Variants in PXDNL observed in about 807,000 individuals in gnomAD.
PXDNL encodes the protein peroxidasin like.
PXDNL carries 145 observed loss-of-function variants against 150.8 expected under a neutral mutation model. The observed-to-expected ratio is 0.96, with a 90% CI of 0.84 to 1.10. PXDNL has a LOEUF of 1.10. Ranked by LOEUF, PXDNL falls within the 50% of genes least tolerant of loss-of-function variation. PXDNL has a pLI of 0.00. For synonymous variants in PXDNL, 757 were observed against 725.7 expected (o/e 1.04, Z -0.69); for missense variants, 2,087 against 1,873.9 (o/e 1.11, Z -2.10).
chr8:51,430,014 G>A (rs1809212586), intron 12 of PXDNL, among the ~76,000 whole-genome samples: 1 of 152,108 alleles, frequency 6.6e-6, no homozygotes, highest in Non-Finnish European at 1.5e-5. Context: ...ACGTGCCAGT[G>A]ATGCTCCTGA....
chr8:51,665,220 G>A (rs1815358096), intron 1 of PXDNL, among the ~76,000 whole-genome samples: 1 of 152,190 alleles, frequency 6.6e-6, no homozygotes, highest in South Asian at 2.1e-4. Flanking sequence ...AGTTAGCGCA[G>A]TGGTTGGGAG....
At chr8:51,796,543 C>T (rs1157554371) in intron 1 of PXDNL, among the ~76,000 whole-genome samples, 2 of 152,138 alleles carry the variant, frequency 1.3e-5, no homozygotes, top group Non-Finnish European at 2.9e-5. Flanking sequence ...ATACTATAAA[C>T]ACCTCTATGC....
chr8:51,685,531 C>T (rs781539207), intron 1 of PXDNL, among the ~76,000 whole-genome samples: 2 of 152,222 alleles, frequency 1.3e-5, no homozygotes, highest in Admixed American at 1.3e-4. Context: ...TCTCTGGGAA[C>T]TCTGCTGTCA....
At chr8:51,624,895 A>G (rs902937524) in intron 2 of PXDNL, among the ~76,000 whole-genome samples, 10 of 151,878 alleles carry the variant, frequency 6.6e-5, no homozygotes, top group Admixed American at 5.2e-4. Flanking sequence ...TATTGTGCAG[A>G]TGTCTTATTA....
intron 12 of PXDNL, among the ~76,000 whole-genome samples, chr8:51,438,364 T>A (rs531683327): frequency 6.6e-6 from 1 of 152,222 alleles, no homozygotes; most frequent in Admixed American, 6.5e-5. Flanking sequence ...AAAGCAAGAC[T>A]AAGCAAAAAG....
chr8:51,746,336 G>A (rs911445520), intron 1 of PXDNL, among the ~76,000 whole-genome samples: 5 of 152,216 alleles, frequency 3.3e-5, no homozygotes, highest in Non-Finnish European at 1.5e-5. Flanking sequence ...CCTAGTAGAA[G>A]AGGGAGTGGC....
intron 12 of PXDNL, chr8:51,436,308 T>C: frequency 8.4e-6 from 4 of 477,930 alleles, no homozygotes; most frequent in South Asian, 6.1e-5. Flanking sequence ...TAGGACCTTG[T>C]TTTGTCTTAA....
At chr8:51,552,889 G>C (rs942388155) in intron 4 of PXDNL, among the ~76,000 whole-genome samples, 3 of 152,174 alleles carry the variant, frequency 2.0e-5, no homozygotes, top group Non-Finnish European at 4.4e-5. Context: ...ATATGGGTGA[G>C]ACTCAAGGCA....
At chr8:51,591,703 C>A (rs1813447500) in intron 3 of PXDNL, among the ~76,000 whole-genome samples, 1 of 151,972 alleles carries the variant, frequency 6.6e-6, no homozygotes, top group African/African-American at 2.4e-5. Context: ...ACTGCAAGCT[C>A]CGCCTCCTGG....
intron 19 of PXDNL, 57 bp downstream of exon 19, chr8:51,371,816 T>G: frequency 7.0e-7 from 1 of 1,420,986 alleles, no homozygotes; most frequent in African/African-American, 1.4e-5. Context: ...CTGAAAACAA[T>G]TCAAGCATGA....
intron 3 of PXDNL, among the ~76,000 whole-genome samples, chr8:51,583,878 T>A (rs1813264779): frequency 6.6e-6 from 1 of 152,162 alleles, no homozygotes; most frequent in African/African-American, 2.4e-5. Flanking sequence ...TAATGCTACC[T>A]AATTTTCACG....
At chr8:51,724,509 A>G (rs2130922496) in intron 1 of PXDNL, among the ~76,000 whole-genome samples, 1 of 152,296 alleles carries the variant, frequency 6.6e-6, no homozygotes, top group Admixed American at 6.5e-5. Flanking sequence ...AGGAAAAATC[A>G]GATCTCAGGA....
chr8:51,502,151 C>T (rs1442169312), intron 4 of PXDNL, among the ~76,000 whole-genome samples: 1 of 152,220 alleles, frequency 6.6e-6, no homozygotes, highest in African/African-American at 2.4e-5. Flanking sequence ...TGCAACTACA[C>T]TGTGTGGTAG....
At chr8:51,492,983 C>T (rs970539729) in intron 5 of PXDNL, among the ~76,000 whole-genome samples, 2 of 152,182 alleles carry the variant, frequency 1.3e-5, no homozygotes, top group East Asian at 3.9e-4. Context: ...CAAACTGCCT[C>T]CTCAAGTGGG....
intron 2 of PXDNL, among the ~76,000 whole-genome samples, chr8:51,609,508 G>T (rs746934575): frequency 6.6e-6 from 1 of 152,156 alleles, no homozygotes; most frequent in Non-Finnish European, 1.5e-5. Flanking sequence ...GTGATTAACA[G>T]GGTAAATTCA....
At chr8:51,539,673 T>C (rs1210567212) in intron 4 of PXDNL, among the ~76,000 whole-genome samples, 2 of 152,222 alleles carry the variant, frequency 1.3e-5, no homozygotes, top group South Asian at 2.1e-4. Context: ...TCCTCTCTTC[T>C]TGAGTTAACT....
chr8:51,337,191 A>G (rs1805853778), intron 21 of PXDNL, among the ~76,000 whole-genome samples: 1 of 152,228 alleles, frequency 6.6e-6, no homozygotes. Flanking sequence ...GTTTAAAAAC[A>G]TACATCTCTG....
At chr8:51,544,338 C>T (rs60252507) in intron 4 of PXDNL, among the ~76,000 whole-genome samples, 2,826 of 152,176 alleles carry the variant, frequency 0.019, 37 homozygotes, top group African/African-American at 0.034. Context: ...AATTATCATC[C>T]ATTTTCTTTC....
chr8:51,710,170 C>T (rs544363002), intron 1 of PXDNL, among the ~76,000 whole-genome samples: 1 of 152,256 alleles, frequency 6.6e-6, no homozygotes, highest in African/African-American at 2.4e-5. Flanking sequence ...TCTGAGACTC[C>T]ACCAAAAATT....
Sources: allele counts gnomAD v4.1 joint callset (sites outside exome capture counted in the v4.1 genomes callset), GRCh38; gene constraint gnomAD v4.1.1; transcripts MANE v1.5; gene names NCBI Gene and HGNC (gene_info 2026-07-23, HGNC 2026-07-21).